Variants in TIA1 observed in about 807,000 individuals in gnomAD.
TIA1 encodes cytotoxic granule associated RNA binding protein TIA1.
In TIA1, 23 loss-of-function variants were observed where a neutral mutation model predicts 65.9. The ratio of observed to expected loss-of-function variants is 0.35; its 90% CI spans 0.25 to 0.49. TIA1 has a LOEUF of 0.49. Among genes scored for constraint, TIA1 ranks in the 20% least tolerant of loss-of-function variants. The pLI is 0.98. For missense variants in TIA1, 371 were observed against 477.9 expected, an observed-to-expected ratio of 0.78 and a Z score of 2.09; for synonymous variants, 147 against 149.4, an observed-to-expected ratio of 0.98 and a Z score of 0.12.
rs1487110579 is a variant in TIA1 at position 70,214,644 on chromosome 2, A to AC, written c.889-151_889-150insG. ...AAGAGTTGACTGCTAAAAAAAAAAA[A>AC]AAAAAAAAAAAAAACAAAAAACAAC... On this transcript the variant is annotated intron_variant, in intron 11 of 12. Coordinates refer to ENST00000433529, the MANE Select transcript of TIA1 (RefSeq NM_022173.4). The AC allele has an allele frequency of 1.3e-4, 77 of 582,234 alleles. 1 individual carries two copies. Among genetic ancestry groups the AC allele is most frequent in the Admixed American group, 3.5e-4 (9 of 25,944 alleles). 36.1% of individuals were successfully genotyped at this position (582,234 alleles called of 1,614,324 possible).
rs113398647 is a variant in TIA1, at chr2:70,245,954, C to T, written c.26+2451G>A. ...TTTTTTTTTTTTGAGATGGAGCCTC[C>T]CTCCTGTTGCACAGGCTGGAGTGCA... On this transcript the variant is annotated intron_variant, in intron 1 of 12. Transcript: ENST00000433529. 1.2e-3 allele frequency among the ~76,000 whole-genome samples: 172 copies of T among 146,090 alleles called. 1 individual carries two copies. The highest frequency in any genetic ancestry group is 4.5e-3 in the African/African-American group (171 of 38,018).
At chr2:70,237,997 T>C (rs1689820084) in intron 1 of TIA1, among the ~76,000 whole-genome samples, 1 of 150,368 alleles carries the variant, frequency 6.7e-6, no homozygotes, top group South Asian at 2.1e-4. Context: ...TCGTCTCTAA[T>C]AAAAATATAA....
At chr2:70,217,237 T>A (rs1679009675) in intron 7 of TIA1, 2 of 256,492 alleles carry the variant, frequency 7.8e-6, no homozygotes, top group South Asian at 2.8e-4. Context: ...AGTGGTGTGA[T>A]CTTGGGTCAC....
chr2:70,248,484 C>T lies in TIA1; in HGVS notation c.-54G>A. The T allele has an allele frequency of 6.2e-7, 1 of 1,600,608 alleles. No homozygotes were observed. Among genetic ancestry groups the T allele is most frequent in the Non-Finnish European group, 8.5e-7 (1 of 1,179,900 alleles). On this transcript the variant is annotated 5_prime_UTR_variant, in exon 1 of 13. Coordinates refer to ENST00000433529, the MANE Select transcript of TIA1 (RefSeq NM_022173.4). ...GGTCCAGCTCCCTGCCCTTCACTAC[C>T]TCCCAAATCGTTTAAGCGGTTATGG... is the stretch of plus-strand genomic sequence containing the variant.
intron 1 of TIA1, among the ~76,000 whole-genome samples, chr2:70,242,490 G>A (rs1573809173): frequency 1.7e-5 from 1 of 59,842 alleles, no homozygotes; most frequent in South Asian, 6.2e-4. Flanking sequence ...CAGAGACTCA[G>A]TCTCAAAAAA....
intron 6 of TIA1, 67 bp downstream of exon 6, chr2:70,227,668 T>C: frequency 1.9e-6 from 2 of 1,050,476 alleles, no homozygotes; most frequent in Admixed American, 4.5e-5. Context: ...AACAGAATTA[T>C]TTTCAAGTTA....
At chr2:70,241,002 G>A (rs1214373309) in intron 1 of TIA1, among the ~76,000 whole-genome samples, 9 of 152,164 alleles carry the variant, frequency 5.9e-5, no homozygotes, top group African/African-American at 1.9e-4. Flanking sequence ...TAGAAAGAAT[G>A]AGAGAAATAG....
chr2:70,225,216 C>A, intron 6 of TIA1: 3 of 1,083,236 alleles, frequency 2.8e-6, no homozygotes, highest in East Asian at 8.7e-5. Flanking sequence ...TTAAGCTAGA[C>A]AAGAAAAGAT....
At position 70,210,047 on chromosome 2, in the gene TIA1, A is replaced by C; in HGVS notation, c.*2672T>G. The C allele has an allele frequency of 4.1e-6, 1 of 243,924 alleles. No homozygotes were observed. Among genetic ancestry groups the C allele is most frequent in the East Asian group, 7.7e-5 (1 of 13,012 alleles). The allele number at this position is 243,924 out of a possible 1,614,324, so 15.1% of individuals were successfully genotyped here. ...TTTCATAATTAATTAAATCTGCAGA[A>C]TGCCAATTCCATTTGGTGTTAAACA... On this transcript the variant is annotated 3_prime_UTR_variant, in exon 13 of 13. Transcript: ENST00000433529.
Position 70,216,409 on chromosome 2 carries a change from A to G in TIA1, c.674T>C (p.Leu225Pro), listed in dbSNP as rs746317592. 1.9e-6 allele frequency: 3 copies of G among 1,611,214 alleles called. No individual in the cohort carries two copies. The highest frequency in any genetic ancestry group is 1.1e-5 in the South Asian group (1 of 90,212). ...TVYCGGVTSG[L>P]TEQLMRQTFS... ...CACAGGGAAGGCTCCCATACCTGTT[A>G]GCCCAGAAGTAACACCTCCACAGTA... The change falls in exon 9 of 13, where the codon CTA becomes CCA. Residue 225 changes from leucine (L) to proline (P), a missense_variant. Leu to Pro is a moderately conservative substitution (Grantham distance 98). Coordinates refer to ENST00000433529, the MANE Select transcript of TIA1 (RefSeq NM_022173.4).
intron 1 of TIA1, among the ~76,000 whole-genome samples, chr2:70,240,476 G>C (rs934302280): frequency 2.6e-5 from 4 of 152,210 alleles, no homozygotes; most frequent in Non-Finnish European, 5.9e-5. Context: ...CGCAGCCCCA[G>C]CTACTTGAGA....
chr2:70,238,260 G>GTTTTTTTTTTTTTTTTTT (rs763865705), intron 1 of TIA1, among the ~76,000 whole-genome samples: 3 of 94,616 alleles, frequency 3.2e-5, no homozygotes, highest in African/African-American at 8.9e-5. Context: ...GTTCCCCCAA[G>GTTTTTTTTTTTTTTTTTT]TTTTTTTTTT....
chr2:70,239,574 C>G (rs958204546), intron 1 of TIA1, among the ~76,000 whole-genome samples: 2 of 152,034 alleles, frequency 1.3e-5, no homozygotes, highest in Non-Finnish European at 2.9e-5. Flanking sequence ...GGACTTTCTC[C>G]CCAGAAAAGT....
At chr2:70,232,083 T>C (rs1181638139) in intron 2 of TIA1, among the ~76,000 whole-genome samples, 2 of 151,160 alleles carry the variant, frequency 1.3e-5, no homozygotes, top group African/African-American at 4.9e-5. Flanking sequence ...GCGCCTGTAG[T>C]CCCAGCTACT....
chr2:70,240,835 G>C (rs898456458), intron 1 of TIA1, among the ~76,000 whole-genome samples: 1 of 152,058 alleles, frequency 6.6e-6, no homozygotes, highest in South Asian at 2.1e-4. Context: ...TTACACCACA[G>C]TACTCCAGCC....
intron 1 of TIA1, among the ~76,000 whole-genome samples, chr2:70,236,744 A>C (rs1689159169): frequency 6.6e-6 from 1 of 152,062 alleles, no homozygotes; most frequent in South Asian, 2.1e-4. Context: ...CTCCCACTTC[A>C]GCCTCCCAAG....
chr2:70,224,676 G>T (rs1054857517), intron 6 of TIA1, 47 bp from the exon 7 acceptor site: 1 of 1,593,216 alleles, frequency 6.3e-7, no homozygotes, highest in Admixed American at 1.8e-5. Context: ...ACTATCCTCT[G>T]GATATCAAAT....
At chr2:70,243,995 C>T (rs548335481) in intron 1 of TIA1, among the ~76,000 whole-genome samples, 5 of 152,342 alleles carry the variant, frequency 3.3e-5, no homozygotes, top group African/African-American at 9.6e-5. Flanking sequence ...TCCATTCCTA[C>T]TCAGATAAGA....
intron 7 of TIA1, among the ~76,000 whole-genome samples, chr2:70,223,214 A>G (rs1280141573): frequency 6.6e-6 from 1 of 152,212 alleles, no homozygotes; most frequent in African/African-American, 2.4e-5. Flanking sequence ...AAGGAACTCA[A>G]ATTAATCACG....
Sources: allele counts gnomAD v4.1 joint callset (sites outside exome capture counted in the v4.1 genomes callset), GRCh38; gene constraint gnomAD v4.1.1; transcripts MANE v1.5; gene names NCBI Gene and HGNC (gene_info 2026-07-23, HGNC 2026-07-21).